Variants in CELSR2 observed in about 807,000 individuals in gnomAD.
CELSR2 encodes the protein cadherin EGF LAG seven-pass G-type receptor 2.
Under a neutral mutation model 251.6 loss-of-function variants are expected in CELSR2, and 81 were observed. The ratio of observed to expected loss-of-function variants is 0.32; its 90% CI spans 0.27 to 0.39. The LOEUF is 0.39. Among genes scored for constraint, CELSR2 ranks in the 10% least tolerant of loss-of-function variants. The pLI is 1.00. For synonymous variants in CELSR2, 1,721 were observed against 1,670.5 expected (o/e 1.03, Z -0.74); for missense variants, 3,365 against 3,947.7 (o/e 0.85, Z 3.96).
chr1:109,263,932 G>A, intron 9 of CELSR2, 146 bp from the exon 10 acceptor site: 1 of 1,384,914 alleles, frequency 7.2e-7, no homozygotes, highest in Non-Finnish European at 9.6e-7. Flanking sequence ...CCACCTGTTG[G>A]GCCTGAGGGA....
Position 109,252,348 on chromosome 1 carries a change from C to A in CELSR2, c.2269C>A (p.Gln757Lys), listed in dbSNP as rs768333670. Residue 757 changes from glutamine (Q) to lysine (K), a missense_variant, in exon 1 of 34, where the codon CAG (glutamine) becomes AAG (lysine). Around this residue, in one of 5 missense-constraint regions of CELSR2, gnomAD observed 505 missense variants for 660.0 expected, o/e 0.77. Coordinates refer to ENST00000271332, the MANE Select transcript of CELSR2 (RefSeq NM_001408.3). The surrounding 1 kb of genome is among the most constrained non-coding windows in gnomAD (Gnocchi z 4.8). ...ITYFMEDSIP[Q>K]FRIDADTGAV... ...CTACTTCATGGAGGACAGCATCCCC[C>A]AGTTCCGCATCGATGCAGACACGGG... 2 of 1,613,088 alleles carry A rather than the reference C, an allele frequency of 1.2e-6. No individual in the cohort carries two copies. The highest frequency in any genetic ancestry group is 3.3e-4 in the Middle Eastern group (2 of 6,062).
chr1:109,266,559 ATTTTTT>A (rs35994599), intron 15 of CELSR2: 6,913 of 83,826 alleles, frequency 0.082, 172 homozygotes, highest in Non-Finnish European at 0.11. Context: ...CACCTGGCTA[ATTTTTT>A]TTTTTTTTTT....
intron 15 of CELSR2, 73 bp from the exon 16 acceptor site, chr1:109,267,475 G>A (rs531297784): frequency 2.1e-6 from 3 of 1,410,598 alleles, no homozygotes; most frequent in South Asian, 1.2e-5. Context: ...GCCTCCAGCA[G>A]AACCTCTCAG....
chr1:109,254,897 T>C (rs1655800129), intron 1 of CELSR2, among the ~76,000 whole-genome samples: 1 of 152,224 alleles, frequency 6.6e-6, no homozygotes, highest in South Asian at 2.1e-4. Context: ...CAACTGTGCC[T>C]GGGCACTTGA....
In CELSR2 at chr1:109,269,425, G is replaced by C; in HGVS notation, c.6814G>C (p.Val2272Leu). ...GTGCACCTGACTGCCCCACATCAGA[G>C]TCCCCAAACGCCCGATCATCAACAC... is the stretch of plus-strand genomic sequence containing the variant. ...NYDPDKRSLR[V>L]PKRPIINTPV... is the part of the protein sequence containing the mutation. The change falls in exon 21 of 34, where the codon GTC (valine) becomes CTC (leucine). Residue 2272 changes from valine to leucine, a missense_variant and splice_region_variant. Physicochemically the swap from Val to Leu is conservative, Grantham distance 32. Coordinates refer to ENST00000271332, the MANE Select transcript of CELSR2 (RefSeq NM_001408.3). This position sits in a 1 kb window ranked among gnomAD's most constrained non-coding sequence, Gnocchi z 6.4. 6.2e-7 allele frequency: 1 copy of C among 1,613,468 alleles called. No individual in the cohort carries two copies. Among genetic ancestry groups the C allele is most frequent in the Non-Finnish European group, 8.5e-7 (1 of 1,179,744 alleles).
At chr1:109,255,301 C>T (rs775262265) in intron 1 of CELSR2, among the ~76,000 whole-genome samples, 8 of 152,182 alleles carry the variant, frequency 5.3e-5, no homozygotes, top group South Asian at 2.1e-4. Flanking sequence ...TGCCTCTCTC[C>T]GGTGCCCTCT....
At position 109,263,758 on chromosome 1, in the gene CELSR2, G is replaced by A. The variant is rs372029537; in HGVS notation, c.4982G>A (p.Arg1661His). 8.7e-6 allele frequency: 14 copies of A among 1,613,410 alleles called. No homozygotes were observed. The South Asian group carries it at 9.9e-5, about 11-fold the overall frequency. Reference sequence around the variant, plus strand: ...CTGCTGCAGGCCATCACCAGGGGGCGCAGCACCATCACCCTACAGGTGATG... The same window carrying A: ...CTGCTGCAGGCCATCACCAGGGGGCACAGCACCATCACCCTACAGGTGATG... Reference protein sequence around the residue: ...GVLLQAITRGRSTITLQLREG... With the variant: ...GVLLQAITRGHSTITLQLREG... Residue 1661 changes from arginine to histidine, a missense_variant, in exon 9 of 34, where the codon CGC (arginine) becomes CAC (histidine). By Grantham distance (29) the Arg-to-His change is conservative (BLOSUM62 0). This residue lies in a region of CELSR2 where 2,093 missense variants were observed against 2,382.8 expected (regional missense o/e 0.88). Coordinates refer to ENST00000271332, the MANE Select transcript of CELSR2 (RefSeq NM_001408.3).
Position 109,269,962 on chromosome 1 carries a change from G to T in CELSR2, c.7137G>T (p.Leu2379=). 1 of 1,614,164 alleles carries T rather than the reference G, an allele frequency of 6.2e-7. No homozygotes were observed. Among genetic ancestry groups the T allele is most frequent in the Non-Finnish European group, 8.5e-7 (1 of 1,180,024 alleles). Residue 2379 remains leucine, a synonymous_variant, in exon 23 of 34, where the codon CTG becomes CTT. Transcript: ENST00000271332. This position sits in a 1 kb window ranked among gnomAD's most constrained non-coding sequence, Gnocchi z 6.4. ...ENGEILPLKT[L]TYVALGVTLA... ...GGGAGATCCTGCCACTGAAGACACT[G>T]ACATACGTGGCTCTAGGTGTCACCT...
At chr1:109,270,868 C>G in intron 24 of CELSR2, 59 bp from the exon 25 acceptor site, 1 of 1,282,556 alleles carries the variant, frequency 7.8e-7, no homozygotes, top group Admixed American at 1.9e-5. Context: ...CTGCCCGCAG[C>G]CCTACTTCCC....
At chr1:109,256,099 G>A (rs10858082) in intron 1 of CELSR2, among the ~76,000 whole-genome samples, 73,386 of 152,112 alleles carry the variant, frequency 0.48, 18,968 homozygotes, top group Middle Eastern at 0.67. Context: ...GGAATATCCC[G>A]TCAAGGAATC....
intron 27 of CELSR2, 22 bp from the exon 28 acceptor site, chr1:109,271,578 G>A (rs374501362): frequency 1.4e-5 from 23 of 1,614,022 alleles, no homozygotes; most frequent in South Asian, 6.6e-5. Flanking sequence ...TGCACAGACC[G>A]TTGCTGCCTC....
Position 109,261,740 on chromosome 1 carries a change from C to T in CELSR2, c.4298-68C>T. ...CCAAATCTGGGCCCAGCCCCAGCCA[C>T]TGGCACCCCAAACCCTGCCATTCCT... On this transcript the variant is annotated intron_variant, in intron 4 of 33. Transcript: ENST00000271332. The surrounding 1 kb of genome is among the most constrained non-coding windows in gnomAD (Gnocchi z 4.8). The T allele has an allele frequency of 6.5e-7, 1 of 1,548,824 alleles. No individual in the cohort carries two copies. Among genetic ancestry groups the T allele is most frequent in the Non-Finnish European group, 8.8e-7 (1 of 1,132,040 alleles).
chr1:109,262,510 G>A, intron 6 of CELSR2, 66 bp downstream of exon 6: 1 of 1,579,398 alleles, frequency 6.3e-7, no homozygotes, highest in Non-Finnish European at 8.6e-7. Context: ...AGGGAAGGTG[G>A]AGAGGGTGGG....
Position 109,249,589 on chromosome 1 carries a change from G to C in CELSR2, c.-491G>C, listed in dbSNP as rs899718119. 7.4e-5 allele frequency among the ~76,000 whole-genome samples: 11 copies of C among 148,928 alleles called. No individual in the cohort carries two copies. The highest frequency in any genetic ancestry group is 1.5e-4 in the Non-Finnish European group (10 of 67,080). ...GGCGAGGGAGCGCGGGGCTGGGCCC[G>C]GGGCCGCGGCGACAGGCAGCAGCCG... On this transcript the variant is annotated 5_prime_UTR_variant, in exon 1 of 34. Coordinates refer to ENST00000271332, the MANE Select transcript of CELSR2 (RefSeq NM_001408.3).
Position 109,261,825 on chromosome 1 carries a change from G to A in CELSR2, c.4315G>A (p.Val1439Met), listed in dbSNP as rs1278692009. Residue 1439 changes from valine to methionine, a missense_variant, in exon 5 of 34, where the codon GTG (valine) becomes ATG (methionine). This residue lies in a region of CELSR2 where 2,093 missense variants were observed against 2,382.8 expected (regional missense o/e 0.88). Coordinates refer to ENST00000271332, the MANE Select transcript of CELSR2 (RefSeq NM_001408.3). The surrounding 1 kb of genome is among the most constrained non-coding windows in gnomAD (Gnocchi z 4.8). Reference protein sequence around the residue: ...TFSAGESTTTVSPFVPGGVSD... With the variant: ...TFSAGESTTTMSPFVPGGVSD... ...TTCCCCAGGGGAGTCAACCACCACG[G>A]TGTCCCCATTCGTGCCCGGAGGAGT... is the stretch of plus-strand genomic sequence containing the variant. 3.1e-6 allele frequency: 5 copies of A among 1,594,332 alleles called. No homozygotes were observed. Among genetic ancestry groups the A allele is most frequent in the Non-Finnish European group, 4.3e-6 (5 of 1,168,956 alleles).
chr1:109,265,886 C>T lies in CELSR2; in HGVS notation c.5879C>T (p.Pro1960Leu). ...IGRQCDRCDN[P>L]FAEVTTNGCE... ...CGTCAGTGTGACCGCTGTGACAACC[C>T]TTTTGCTGAGGTCACCACCAATGGC... Residue 1960 changes from proline to leucine, a missense_variant, in exon 14 of 34, where the codon CCT becomes CTT. Transcript: ENST00000271332. 1.2e-6 allele frequency: 2 copies of T among 1,613,900 alleles called. No homozygotes were observed. The highest frequency in any genetic ancestry group is 1.7e-5 in the Admixed American group (1 of 60,024).
chr1:109,267,954 G>A lies in CELSR2; in HGVS notation c.6212G>A (p.Gly2071Asp), dbSNP rs1450952262. ...ACGCAGCACACAGCTGGCTACTTCG[G>A]CAGCGACGTCAAGGTGGCCTACCAG... The part of the protein sequence containing the change: ...NATQHTAGYF[G>D]SDVKVAYQLA... Residue 2071 changes from glycine (G) to aspartate (D), a missense_variant, in exon 17 of 34, where the codon GGC (glycine) becomes GAC (aspartate). By Grantham distance (94) the Gly-to-Asp change is moderately conservative. This residue lies in a region of CELSR2 where 2,093 missense variants were observed against 2,382.8 expected (regional missense o/e 0.88). Coordinates refer to ENST00000271332, the MANE Select transcript of CELSR2 (RefSeq NM_001408.3). 1 of 1,611,712 alleles carries A rather than the reference G, an allele frequency of 6.2e-7. No homozygotes were observed. Among genetic ancestry groups the A allele is most frequent in the East Asian group, 2.2e-5 (1 of 44,876 alleles).
chr1:109,274,110 T>C lies in CELSR2; in HGVS notation c.*61T>C. The C allele has an allele frequency of 6.2e-7, 1 of 1,613,462 alleles. No individual in the cohort carries two copies. The highest frequency in any genetic ancestry group is 1.1e-5 in the South Asian group (1 of 91,072). On this transcript the variant is annotated 3_prime_UTR_variant, in exon 34 of 34. Transcript: ENST00000271332. ...CCCTTCCCCAGCCGCACTCATGCCCTGCTCCTGTCTTGTGCTTTATCCTGC... is the reference window on the plus strand; with the variant it reads ...CCCTTCCCCAGCCGCACTCATGCCCCGCTCCTGTCTTGTGCTTTATCCTGC...
At position 109,249,944 on chromosome 1, in the gene CELSR2, C is replaced by A; in HGVS notation, c.-136C>A. On this transcript the variant is annotated 5_prime_UTR_variant, in exon 1 of 34. Coordinates refer to ENST00000271332, the MANE Select transcript of CELSR2 (RefSeq NM_001408.3). ...GGGGTCCCGCCGAGCCATCCAGACG[C>A]AGGCCCCGCGGGGCGCACGGGAGGC... is the stretch of plus-strand genomic sequence containing the variant. The A allele has an allele frequency of 2.5e-6, 2 of 801,094 alleles. No homozygotes were observed. Among genetic ancestry groups the A allele is most frequent in the Non-Finnish European group, 3.2e-6 (2 of 619,612 alleles). 49.6% of individuals were successfully genotyped at this position (801,094 alleles called of 1,614,324 possible).
Sources: gnomAD v4.1 joint callset for allele counts (sites outside exome capture counted in the v4.1 genomes callset) on GRCh38, gnomAD v4.1.1 for gene constraint, gnomAD v4.1.1 regional missense constraint, Gnocchi (gnomAD v3.1) non-coding constraint, MANE v1.5 for transcripts, NCBI Gene and HGNC (gene_info 2026-07-23, HGNC 2026-07-21) for gene names.